NELL2: variants seen among roughly 807,000 people sequenced by gnomAD.
NELL2 encodes neural EGFL like 2.
Under a neutral mutation model 109.6 loss-of-function variants are expected in NELL2, and 41 were observed. That is an observed-to-expected ratio of 0.37 (90% CI 0.29 to 0.49). The LOEUF (loss-of-function observed/expected upper bound fraction) is 0.49. Ranked by LOEUF, NELL2 falls within the 20% of genes least tolerant of loss-of-function variation. The probability of loss-of-function intolerance (pLI) is 0.98; values close to 1 mark genes in which losing one functional copy is unlikely to be tolerated. For synonymous variants in NELL2, 355 were observed against 344.7 expected (o/e 1.03, Z -0.33); for missense variants, 900 against 1,008.3 (o/e 0.89, Z 1.45).
intron 15 of NELL2, among the ~76,000 whole-genome samples, chr12:44,560,577 T>C (rs139821541): frequency 0.016 from 2,449 of 152,206 alleles, 32 homozygotes; most frequent in South Asian, 0.05. Context: ...CTAGAAAATC[T>C]AGAAGAAATG....
intron 8 of NELL2, among the ~76,000 whole-genome samples, chr12:44,775,646 AT>A (rs1941729331): frequency 6.6e-6 from 1 of 152,200 alleles, no homozygotes; most frequent in Non-Finnish European, 1.5e-5. Context: ...TGGACACAAT[AT>A]TTAATGCTGC....
intron 13 of NELL2, among the ~76,000 whole-genome samples, chr12:44,618,177 C>T (rs1373985593): frequency 6.6e-6 from 1 of 152,106 alleles, no homozygotes; most frequent in Non-Finnish European, 1.5e-5. Context: ...ATTTGATGCC[C>T]ATATCAGTAG....
At chr12:44,802,687 C>A (rs1047784015) in intron 3 of NELL2, among the ~76,000 whole-genome samples, 4 of 151,790 alleles carry the variant, frequency 2.6e-5, no homozygotes, top group African/African-American at 9.7e-5. Flanking sequence ...GGAAATAATA[C>A]GTAAAAAAAG....
intron 2 of NELL2, among the ~76,000 whole-genome samples, chr12:44,823,083 T>C (rs771303334): frequency 8.5e-5 from 13 of 152,210 alleles, no homozygotes; most frequent in Non-Finnish European, 1.6e-4. Flanking sequence ...AATTCCTTTC[T>C]TCTTTTTTTG....
At chr12:44,593,926 T>C (rs957721984) in intron 15 of NELL2, among the ~76,000 whole-genome samples, 4 of 152,138 alleles carry the variant, frequency 2.6e-5, no homozygotes, top group Non-Finnish European at 5.9e-5. Flanking sequence ...ATGTGGCACA[T>C]ATACACCATG....
At position 44,693,054 on chromosome 12, in the gene NELL2, T is replaced by C. The variant is rs565280630; in HGVS notation, c.1318+10672A>G. 1.1e-4 allele frequency among the ~76,000 whole-genome samples: 17 copies of C among 152,282 alleles called. No homozygotes were observed. The South Asian group carries it at 3.3e-3, about 30-fold the overall frequency. Reference sequence around the variant, plus strand: ...GTAGATAAGATGCTATCAAATAGCATTGCATGCTACAGAGAAATCTCTCAT... The same window carrying C: ...GTAGATAAGATGCTATCAAATAGCACTGCATGCTACAGAGAAATCTCTCAT... On this transcript the variant is annotated intron_variant, in intron 12 of 19. Coordinates refer to ENST00000429094, the MANE Select transcript of NELL2 (RefSeq NM_001145108.2).
upstream of NELL2, among the ~76,000 whole-genome samples, chr12:44,917,429 G>A (rs1945836799): frequency 1.3e-5 from 2 of 152,134 alleles, no homozygotes; most frequent in South Asian, 4.2e-4. Flanking sequence ...GTAACTAATG[G>A]AGAGTTGAAG....
rs139982724 is a variant in NELL2, at chr12:44,764,175, T to C, written c.994+10572A>G. Reference sequence around the variant, plus strand: ...ACTGACTTCTAAGAATTCCAGTTAATAATCAAGGTAGGTCTAAACCTTTTA... The same window carrying C: ...ACTGACTTCTAAGAATTCCAGTTAACAATCAAGGTAGGTCTAAACCTTTTA... On this transcript the variant is annotated intron_variant, in intron 9 of 19. Transcript: ENST00000429094. 6.6e-5 allele frequency among the ~76,000 whole-genome samples: 10 copies of C among 152,334 alleles called. No individual in the cohort carries two copies. The East Asian group carries it at 1.5e-3, about 23-fold the overall frequency.
chr12:44,564,268 A>G (rs925271366), intron 15 of NELL2, among the ~76,000 whole-genome samples: 1 of 152,196 alleles, frequency 6.6e-6, no homozygotes, highest in African/African-American at 2.4e-5. Context: ...CTAGAAAGCA[A>G]AATGCATGGT....
chr12:44,615,032 G>A (rs948404515), intron 13 of NELL2, among the ~76,000 whole-genome samples: 2 of 151,968 alleles, frequency 1.3e-5, no homozygotes, highest in African/African-American at 4.8e-5. Flanking sequence ...AAAGTTAAAA[G>A]CCTTCAAAAA....
rs959260651 is a variant in NELL2, at chr12:44,876,248, G to C, written c.-379C>G. Reference sequence around the variant, plus strand: ...AAGGGGGGCGGCCCCAAGAAAGCCCGGGCTGGGGCGGCCCCGCACCCCCCC... The same window carrying C: ...AAGGGGGGCGGCCCCAAGAAAGCCCCGGCTGGGGCGGCCCCGCACCCCCCC... On this transcript the variant is annotated 5_prime_UTR_variant, in exon 1 of 20. Transcript: ENST00000429094. 6.9e-6 allele frequency: 8 copies of C among 1,163,812 alleles called. No homozygotes were observed. The Admixed American group carries it at 1.7e-4, about 25-fold the overall frequency. The allele number at this position is 1,163,812 out of a possible 1,614,324, so 72.1% of individuals were successfully genotyped here. A position where few individuals can be genotyped will look rare whatever the true frequency, so the allele number is the denominator to read the frequency against.
At chr12:44,711,489 C>A in intron 10 of NELL2, 95 bp from the exon 11 acceptor site, 1 of 1,090,952 alleles carries the variant, frequency 9.2e-7, no homozygotes, top group Middle Eastern at 2.0e-4. Context: ...CTTTTAAGAT[C>A]AAGAAATTTT....
At chr12:44,519,676 A>G (rs184963263) in intron 19 of NELL2, among the ~76,000 whole-genome samples, 2 of 152,352 alleles carry the variant, frequency 1.3e-5, no homozygotes, top group Admixed American at 1.3e-4. Context: ...ATCATGAAAG[A>G]AGAAACATGA....
chr12:44,617,788 A>T (rs1945893196), intron 13 of NELL2, among the ~76,000 whole-genome samples: 1 of 151,878 alleles, frequency 6.6e-6, no homozygotes, highest in South Asian at 2.1e-4. Context: ...ACTTAAGAAA[A>T]ATTAGTTGCC....
Position 44,875,857 on chromosome 12 carries a change from C to T in NELL2, c.13G>A (p.Val5Ile), listed in dbSNP as rs2658973. The T allele has an allele frequency of 2.4e-3, 3,839 of 1,613,998 alleles. 112 individuals are homozygous for T. The African/African-American group carries it at 0.045, about 19-fold the overall frequency. Reference protein sequence around the residue: MESRVLLRTFCLIFG... With the variant: MESRILLRTFCLIFG... ...ATCAAACAGAATGTTCTCAGTAAGACCCGAGACTCCATGGTGCGGATCAGC... is the reference window on the plus strand; with the variant it reads ...ATCAAACAGAATGTTCTCAGTAAGATCCGAGACTCCATGGTGCGGATCAGC... The change falls in exon 1 of 20, where the codon GTC (valine) becomes ATC (isoleucine). Residue 5 changes from valine (V) to isoleucine (I), a missense_variant. Physicochemically the swap from Val to Ile is conservative, Grantham distance 29. Coordinates refer to ENST00000429094, the MANE Select transcript of NELL2 (RefSeq NM_001145108.2).
intron 2 of NELL2, among the ~76,000 whole-genome samples, chr12:44,830,812 T>C (rs1943863258): frequency 2.0e-5 from 3 of 152,066 alleles, no homozygotes; most frequent in Admixed American, 6.6e-5. Context: ...AGCCTGGAAC[T>C]CTACACTCTG....
rs1948025357 is a variant in NELL2, at chr12:44,668,609, C to A, written c.1319-3000G>T. Among the ~76,000 whole-genome samples the A allele has an allele frequency of 4.6e-5, 7 of 152,064 alleles. No homozygotes were observed. The South Asian group carries it at 1.5e-3, about 32-fold the overall frequency. On this transcript the variant is annotated intron_variant, in intron 12 of 19. Transcript: ENST00000429094. Reference sequence around the variant, plus strand: ...TCTGGACATCATCCCACACTGCCCACTTATGCTGGCCAGGAGCCTGGGTAT... The same window carrying A: ...TCTGGACATCATCCCACACTGCCCAATTATGCTGGCCAGGAGCCTGGGTAT...
chr12:44,799,287 C>T (rs1172873623), intron 3 of NELL2, among the ~76,000 whole-genome samples: 4 of 151,928 alleles, frequency 2.6e-5, no homozygotes, highest in Admixed American at 6.6e-5. Flanking sequence ...ATCACCTATG[C>T]GTATGACCTT....
chr12:44,915,004 C>A (rs1365639802), upstream of NELL2, among the ~76,000 whole-genome samples: 2 of 148,360 alleles, frequency 1.3e-5, no homozygotes. Context: ...CACTCGCCAC[C>A]ACGCCCGGCT....
Sources: allele counts gnomAD v4.1 joint callset (sites outside exome capture counted in the v4.1 genomes callset), GRCh38; gene constraint gnomAD v4.1.1; transcripts MANE v1.5; gene names NCBI Gene and HGNC (gene_info 2026-07-23, HGNC 2026-07-21).